The following APLP2 variants were observed in gnomAD, a reference collection of about 807,000 sequenced individuals.
APLP2 encodes CDEI box-binding protein.
Under a neutral mutation model 89.9 loss-of-function variants are expected in APLP2, and 53 were observed. The ratio of observed to expected loss-of-function variants is 0.59; its 90% CI spans 0.47 to 0.74. The LOEUF (loss-of-function observed/expected upper bound fraction) is 0.74, where lower values mean the gene tolerates loss of function less well. APLP2 is among the 30% of genes least tolerant of loss of function. The pLI is 0.00. For synonymous variants in APLP2, 372 were observed against 348.6 expected (o/e 1.07, Z -0.75); for missense variants, 973 against 975.9 (o/e 1.00, Z 0.04).
chr11:130,093,552 A>C (rs928129756), intron 1 of APLP2, among the ~76,000 whole-genome samples: 9 of 152,194 alleles, frequency 5.9e-5, no homozygotes, highest in African/African-American at 2.2e-4. Flanking sequence ...GTAGAAGGTC[A>C]ATCTAGGAGG....
chr11:130,087,449 C>T (rs995385825), intron 1 of APLP2, among the ~76,000 whole-genome samples: 2 of 152,132 alleles, frequency 1.3e-5, no homozygotes, highest in Non-Finnish European at 2.9e-5. Context: ...TAGTGGCAGC[C>T]CCGCTTCAGT....
At chr11:130,128,971 A>G (rs926443895) in intron 9 of APLP2, 77 bp from the exon 10 acceptor site, 1 of 1,513,914 alleles carries the variant, frequency 6.6e-7, no homozygotes, top group Non-Finnish European at 8.9e-7. Flanking sequence ...CAGGAGAAGC[A>G]CTGGGGTCTC....
rs1308529355 is a variant in APLP2, at chr11:130,092,539, G to T, written c.106-16890G>T. On this transcript the variant is annotated intron_variant, in intron 1 of 16. Coordinates refer to ENST00000338167, the MANE Select transcript of APLP2 (RefSeq NM_001142276.2). ...GCTGGAGACCGGCCCGGCCAACACA[G>T]CGAAACCCCGTCTCCACCAAAACCA... Among the ~76,000 whole-genome samples the T allele has an allele frequency of 3.0e-3, 436 of 146,390 alleles. 1 individual carries two copies. Among genetic ancestry groups the T allele is most frequent in the Admixed American group, 6.1e-3 (91 of 14,898 alleles).
Position 130,138,594 on chromosome 11 carries a change from T to G in APLP2, c.1838-1804T>G, listed in dbSNP as rs569163993. On this transcript the variant is annotated intron_variant, in intron 13 of 16. Coordinates refer to ENST00000338167, the MANE Select transcript of APLP2 (RefSeq NM_001142276.2). ...GACTGGTGGTAGGTTTTTTTTTTTT[T>G]TTTTTTTTTTTGAGATGGGGTCTTG... is the stretch of plus-strand genomic sequence containing the variant. Among the ~76,000 whole-genome samples, 34 of 142,606 alleles carry G rather than the reference T, an allele frequency of 2.4e-4. No individual in the cohort carries two copies. The East Asian group carries it at 6.3e-3, about 26-fold the overall frequency. The allele number at this position is 142,606 out of a possible 152,430, so 93.6% of individuals were successfully genotyped here. A position where few individuals can be genotyped will look rare whatever the true frequency, so the allele number is the denominator to read the frequency against.
chr11:130,136,128 A>C (rs1175453111), intron 13 of APLP2, among the ~76,000 whole-genome samples: 4 of 151,992 alleles, frequency 2.6e-5, no homozygotes, highest in Non-Finnish European at 4.4e-5. Flanking sequence ...CTCTGACATG[A>C]GGTGGGGATA....
intron 13 of APLP2, among the ~76,000 whole-genome samples, chr11:130,136,141 A>G (rs1951561480): frequency 6.6e-6 from 1 of 152,054 alleles, no homozygotes; most frequent in South Asian, 2.1e-4. Flanking sequence ...TGGGGATAAG[A>G]AGCTGTTCCT....
intron 1 of APLP2, among the ~76,000 whole-genome samples, chr11:130,106,442 T>G (rs34160650): frequency 0.016 from 2,491 of 152,310 alleles, 20 homozygotes; most frequent in Non-Finnish European, 0.028. Flanking sequence ...TTCTTCACCG[T>G]GCAACTAGAG....
chr11:130,134,530 T>C (rs988207003), intron 12 of APLP2, among the ~76,000 whole-genome samples: 1 of 152,216 alleles, frequency 6.6e-6, no homozygotes, highest in Non-Finnish European at 1.5e-5. Context: ...TTGGATTTTA[T>C]TCTAGGATAA....
At position 130,121,679 on chromosome 11, in the gene APLP2, G is replaced by A. The variant is rs755319091; in HGVS notation, c.582G>A (p.Gln194=). 1.9e-6 allele frequency: 3 copies of A among 1,614,072 alleles called. No homozygotes were observed. In the African/African-American group the frequency reaches 4.0e-5, roughly 22 times the overall value. The change falls in exon 5 of 17, where the codon CAG becomes CAA. Residue 194 remains glutamine (Q), a synonymous_variant. Transcript: ENST00000338167. ...TGCTGCTCCCATGTGGGGTAGACCA[G>A]TTCCATGGCACTGAATATGTGTGCT... is the stretch of plus-strand genomic sequence containing the variant. ...YGMLLPCGVD[Q]FHGTEYVCCP... is the part of the protein sequence containing the mutation.
Position 130,070,084 on chromosome 11 carries a change from T to G in APLP2, c.105+2T>G. ...TTGGCGCTGGCCGGCTACATCGAGG[T>G]GGGGACCGGGCGAACGCCGGAGAGT... On this transcript the variant is annotated splice_donor_variant, in intron 1 of 16. Transcript: ENST00000338167. LOFTEE classifies it high-confidence loss of function. 6.9e-7 allele frequency: 1 copy of G among 1,445,554 alleles called. No individual in the cohort carries two copies. The highest frequency in any genetic ancestry group is 1.5e-5 in the African/African-American group (1 of 66,980). 89.5% of individuals were successfully genotyped at this position (1,445,554 alleles called of 1,614,324 possible). A position where few individuals can be genotyped will look rare whatever the true frequency, so the allele number is the denominator to read the frequency against.
chr11:130,137,100 T>G (rs1373636909), intron 13 of APLP2, among the ~76,000 whole-genome samples: 1 of 152,230 alleles, frequency 6.6e-6, no homozygotes, highest in African/African-American at 2.4e-5. Flanking sequence ...CTGGTTTGTT[T>G]ATGGGATATT....
At chr11:130,139,045 T>G (rs904101263) in intron 13 of APLP2, 1 of 152,240 alleles carries the variant, frequency 6.6e-6, no homozygotes, top group Admixed American at 6.5e-5. Flanking sequence ...GCATCCTTGC[T>G]GAGGCAATAC....
intron 3 of APLP2, 112 bp downstream of exon 3, chr11:130,110,773 A>G: frequency 1.5e-6 from 2 of 1,336,164 alleles, no homozygotes; most frequent in East Asian, 2.6e-5. Flanking sequence ...TGAGTGTGAC[A>G]TGAATTTATT....
At chr11:130,117,938 G>A (rs980337175) in intron 3 of APLP2, among the ~76,000 whole-genome samples, 6 of 152,196 alleles carry the variant, frequency 3.9e-5, no homozygotes, top group East Asian at 1.9e-4. Context: ...TTAGACGGGC[G>A]TGGTGGCACG....
At chr11:130,083,605 T>G (rs2135439134) in intron 1 of APLP2, among the ~76,000 whole-genome samples, 1 of 152,362 alleles carries the variant, frequency 6.6e-6, no homozygotes, top group Non-Finnish European at 1.5e-5. Flanking sequence ...CTTGTTTATT[T>G]TACTTAGCAT....
At chr11:130,109,352 G>A (rs1336262312) in intron 1 of APLP2, 77 bp from the exon 2 acceptor site, 1 of 1,329,708 alleles carries the variant, frequency 7.5e-7, no homozygotes, top group Middle Eastern at 2.4e-4. Flanking sequence ...GATGCATTCT[G>A]TCACATAGAC....
intron 7 of APLP2, among the ~76,000 whole-genome samples, chr11:130,125,367 T>C (rs1252964367): frequency 6.6e-6 from 1 of 150,778 alleles, no homozygotes. Flanking sequence ...AGCACAGGCA[T>C]GTGTCACTGA....
chr11:130,074,262 C>T (rs2135324033), intron 1 of APLP2, among the ~76,000 whole-genome samples: 1 of 152,302 alleles, frequency 6.6e-6, no homozygotes, highest in East Asian at 1.9e-4. Flanking sequence ...GTCGCCCAGG[C>T]TGGAGTGCAC....
chr11:130,073,527 A>G (rs1941525686), intron 1 of APLP2, among the ~76,000 whole-genome samples: 1 of 152,186 alleles, frequency 6.6e-6, no homozygotes. Context: ...AAACTTTTTC[A>G]ATTAAAAATG....
Sources: allele counts gnomAD v4.1 joint callset (sites outside exome capture counted in the v4.1 genomes callset), GRCh38; gene constraint gnomAD v4.1.1; transcripts MANE v1.5; gene names NCBI Gene and HGNC (gene_info 2026-07-23, HGNC 2026-07-21).